The following PDE4B variants were observed in gnomAD, a reference collection of about 807,000 sequenced individuals.
PDE4B encodes 3',5'-cyclic-AMP phosphodiesterase 4B.
A neutral mutation model predicts 82.2 loss-of-function variants in PDE4B; 20 were observed. The ratio of observed to expected loss-of-function variants is 0.24; its 90% CI spans 0.17 to 0.35. PDE4B has a LOEUF of 0.35. Ranked by LOEUF, PDE4B falls within the 10% of genes least tolerant of loss-of-function variation. The pLI is 1.00. For missense variants in PDE4B, 655 were observed against 907.2 expected (o/e 0.72, Z 3.57); for synonymous variants, 320 against 318.9 (o/e 1.00, Z -0.04).
chr1:66,117,546 C>T (rs1165986814), intron 3 of PDE4B, among the ~76,000 whole-genome samples: 2 of 151,934 alleles, frequency 1.3e-5, no homozygotes, highest in Non-Finnish European at 2.9e-5. Flanking sequence ...ACAGATTTTA[C>T]CTAGGTTTTT....
At chr1:66,066,308 T>G (rs1655844056) in intron 3 of PDE4B, among the ~76,000 whole-genome samples, 1 of 151,798 alleles carries the variant, frequency 6.6e-6, no homozygotes, top group Non-Finnish European at 1.5e-5. Flanking sequence ...CTAAATTAAT[T>G]AGTATACATT....
chr1:65,818,206 T>C (rs1645908027), intron 1 of PDE4B, among the ~76,000 whole-genome samples: 1 of 152,206 alleles, frequency 6.6e-6, no homozygotes, highest in South Asian at 2.1e-4. Flanking sequence ...CCACTTTCTA[T>C]GTCACAAAAC....
chr1:66,141,928 T>G (rs886833392), intron 3 of PDE4B, among the ~76,000 whole-genome samples: 23 of 152,124 alleles, frequency 1.5e-4, no homozygotes, highest in Non-Finnish European at 8.8e-5. Flanking sequence ...CCAAATCGAA[T>G]ATTACTTTTA....
intron 3 of PDE4B, among the ~76,000 whole-genome samples, chr1:66,187,458 G>T (rs1424886393): frequency 6.6e-6 from 1 of 152,108 alleles, no homozygotes; most frequent in Non-Finnish European, 1.5e-5. Context: ...GAATCCATCT[G>T]GTCCTGGACT....
intron 7 of PDE4B, among the ~76,000 whole-genome samples, chr1:66,271,520 G>GA (rs1368409151): frequency 2.0e-5 from 3 of 152,328 alleles, no homozygotes; most frequent in Non-Finnish European, 4.4e-5. Context: ...ATACAGACAC[G>GA]TTTTTTACAA....
chr1:65,978,683 C>A (rs1460451932), intron 3 of PDE4B, among the ~76,000 whole-genome samples: 1 of 152,076 alleles, frequency 6.6e-6, no homozygotes, highest in African/African-American at 2.4e-5. Flanking sequence ...TTATCTATGG[C>A]AAAATAGTTC....
intron 3 of PDE4B, among the ~76,000 whole-genome samples, chr1:66,117,841 G>T (rs1157145451): frequency 5.9e-5 from 9 of 152,132 alleles, no homozygotes; most frequent in Admixed American, 5.9e-4. Context: ...GATAAGATGT[G>T]ATTGCTTCTT....
intron 8 of PDE4B, among the ~76,000 whole-genome samples, chr1:66,345,722 C>A (rs1177916932): frequency 6.6e-6 from 1 of 152,182 alleles, no homozygotes; most frequent in Non-Finnish European, 1.5e-5. Context: ...TGTTGTGCGG[C>A]AATGGCTACA....
chr1:66,339,317 G>A (rs950538384), intron 8 of PDE4B, among the ~76,000 whole-genome samples: 1 of 152,224 alleles, frequency 6.6e-6, no homozygotes, highest in African/African-American at 2.4e-5. Context: ...GTGAGTATTA[G>A]TATTAGTGCA....
intron 3 of PDE4B, among the ~76,000 whole-genome samples, chr1:66,019,819 T>C (rs1156536501): frequency 6.6e-6 from 1 of 152,248 alleles, no homozygotes; most frequent in African/African-American, 2.4e-5. Context: ...AAATCTGATC[T>C]GGAAATCTGT....
intron 1 of PDE4B, among the ~76,000 whole-genome samples, chr1:65,884,888 C>T (rs1229915578): frequency 6.6e-6 from 1 of 152,134 alleles, no homozygotes; most frequent in African/African-American, 2.4e-5. Flanking sequence ...GGAGCTTCTG[C>T]ACAGCAAAAG....
At chr1:65,955,325 G>A (rs528524395) in intron 3 of PDE4B, among the ~76,000 whole-genome samples, 13 of 152,212 alleles carry the variant, frequency 8.5e-5, no homozygotes, top group South Asian at 2.1e-4. Context: ...TCCCTAGGGC[G>A]TGGACAGTTT....
intron 1 of PDE4B, among the ~76,000 whole-genome samples, chr1:65,809,715 C>T (rs1187581218): frequency 1.3e-5 from 2 of 152,164 alleles, no homozygotes; most frequent in Non-Finnish European, 2.9e-5. Flanking sequence ...ACTGCACTTT[C>T]TGAAATAGCA....
intron 7 of PDE4B, among the ~76,000 whole-genome samples, chr1:66,294,158 A>G (rs893771209): frequency 6.6e-6 from 1 of 152,066 alleles, no homozygotes; most frequent in Non-Finnish European, 1.5e-5. Context: ...GTGAGCCAAG[A>G]TTGCACCATT....
chr1:66,105,399 C>T (rs963961901), intron 3 of PDE4B, among the ~76,000 whole-genome samples: 5 of 151,868 alleles, frequency 3.3e-5, no homozygotes, highest in East Asian at 3.9e-4. Context: ...GTTCTTTTGG[C>T]TTAGGATTGA....
At chr1:66,235,450 C>A (rs1652334325) in intron 3 of PDE4B, among the ~76,000 whole-genome samples, 2 of 151,986 alleles carry the variant, frequency 1.3e-5, no homozygotes, top group South Asian at 4.2e-4. Context: ...TGAAATCATC[C>A]TTTTTATTCC....
At chr1:65,936,606 C>T in intron 3 of PDE4B, among the ~76,000 whole-genome samples, 1 of 152,140 alleles carries the variant, frequency 6.6e-6, no homozygotes, top group East Asian at 1.9e-4. Flanking sequence ...CTTATTGAAA[C>T]ACAGATTGCT....
intron 3 of PDE4B, among the ~76,000 whole-genome samples, chr1:66,142,331 A>T (rs1646189356): frequency 6.6e-6 from 1 of 152,200 alleles, no homozygotes. Context: ...TAGTGCTAAA[A>T]GATTTAAAGT....
At chr1:66,282,430 C>T (rs1008885511) in intron 7 of PDE4B, among the ~76,000 whole-genome samples, 7 of 152,186 alleles carry the variant, frequency 4.6e-5, no homozygotes, top group African/African-American at 1.2e-4. Flanking sequence ...TTAAAAGACA[C>T]CCCCAGCCTC....
Sources: gnomAD v4.1 joint callset for allele counts (sites outside exome capture counted in the v4.1 genomes callset) on GRCh38, gnomAD v4.1.1 for gene constraint, MANE v1.5 for transcripts, NCBI Gene and HGNC (gene_info 2026-07-23, HGNC 2026-07-21) for gene names.